PCDHA2: variants seen among roughly 807,000 people sequenced by gnomAD.
The protein encoded by PCDHA2 is protocadherin alpha 2, also known as protocadherin alpha-2.
PCDHA2 carries 58 observed loss-of-function variants against 66.0 expected under a neutral mutation model. The ratio of observed to expected loss-of-function variants is 0.88; its 90% CI spans 0.71 to 1.09. The LOEUF (loss-of-function observed/expected upper bound fraction) is 1.09, where lower values mean the gene tolerates loss of function less well. PCDHA2 is among the 50% of genes least tolerant of loss of function. PCDHA2 has a pLI of 0.00. For synonymous variants in PCDHA2, 634 were observed against 554.0 expected (o/e 1.14, Z -2.03); for missense variants, 1,267 against 1,242.3 (o/e 1.02, Z -0.30).
intron 1 of PCDHA2, among the ~76,000 whole-genome samples, chr5:140,881,880 C>G (rs1157311188): frequency 6.6e-6 from 1 of 152,210 alleles, no homozygotes; most frequent in Non-Finnish European, 1.5e-5. Flanking sequence ...AAATGAAACT[C>G]ATCAACCAAT....
At chr5:140,950,237 ATTTG>A (rs782102459) in intron 1 of PCDHA2, among the ~76,000 whole-genome samples, 1 of 151,954 alleles carries the variant, frequency 6.6e-6, no homozygotes, top group Non-Finnish European at 1.5e-5. Flanking sequence ...AGTGCCATTA[ATTTG>A]TTCCTAAAGA....
At chr5:140,967,357 T>C (rs782125763) in intron 1 of PCDHA2, 2 of 1,608,222 alleles carry the variant, frequency 1.2e-6, no homozygotes, top group Non-Finnish European at 1.7e-6. Context: ...AGCTGGACCT[T>C]AAGCCCCTGC....
At chr5:140,862,901 C>CA in intron 1 of PCDHA2, 2 of 551,296 alleles carry the variant, frequency 3.6e-6, no homozygotes, top group Non-Finnish European at 3.5e-6. Context: ...ACTTTGTCTG[C>CA]GCTGCTGGCG....
chr5:140,829,369 C>G, intron 1 of PCDHA2: 1 of 1,614,202 alleles, frequency 6.2e-7, no homozygotes, highest in Non-Finnish European at 8.5e-7. Flanking sequence ...TGGTGGTAAC[C>G]GCGCGGGACG....
At chr5:140,980,358 G>A (rs143597147) in intron 2 of PCDHA2, among the ~76,000 whole-genome samples, 260 of 152,274 alleles carry the variant, frequency 1.7e-3, no homozygotes, top group South Asian at 0.014. Context: ...TGGACTGGGC[G>A]CGGTGGCTCA....
At chr5:140,858,604 A>AT (rs2045515312) in intron 1 of PCDHA2, 6 of 1,276,560 alleles carry the variant, frequency 4.7e-6, no homozygotes, top group Non-Finnish European at 4.3e-6. Context: ...GAGTTTTAAA[A>AT]TTTTTTTATC....
Position 140,963,207 on chromosome 5 carries a change from C to A in PCDHA2, c.2389-15742C>A, listed in dbSNP as rs180756619. Among the ~76,000 whole-genome samples, 890 of 148,428 alleles carry A rather than the reference C, an allele frequency of 6.0e-3. 8 individuals are homozygous for A. Among genetic ancestry groups the A allele is most frequent in the African/African-American group, 0.021 (788 of 38,366 alleles). On this transcript the variant is annotated intron_variant, in intron 1 of 3. Transcript: ENST00000526136. Reference sequence around the variant, plus strand: ...TAGACTGTGAAAATGAAAAAAAAAACCTCGTGTTTAGAGTAGACACTGTTT... The same window carrying A: ...TAGACTGTGAAAATGAAAAAAAAAAACTCGTGTTTAGAGTAGACACTGTTT...
At chr5:140,936,681 T>G (rs781812048) in intron 1 of PCDHA2, among the ~76,000 whole-genome samples, 3 of 152,246 alleles carry the variant, frequency 2.0e-5, no homozygotes, top group African/African-American at 2.4e-5. Flanking sequence ...CTATTCTGTT[T>G]CATTGGTCAA....
At position 141,010,354 on chromosome 5, in the gene PCDHA2, C is replaced by A. The variant is rs1359778786; in HGVS notation, c.*417C>A. On this transcript the variant is annotated 3_prime_UTR_variant, in exon 4 of 4. Coordinates refer to ENST00000526136, the MANE Select transcript of PCDHA2 (RefSeq NM_018905.3). ...GTTTGTGGCCACTGGGTATGTGTGG[C>A]TACCGCGGGTATGCGAGTGCCAGAT... The A allele has an allele frequency of 2.0e-6, 3 of 1,506,078 alleles. No homozygotes were observed. The highest frequency in any genetic ancestry group is 4.4e-5 in the Admixed American group (2 of 45,166). 93.3% of individuals were successfully genotyped at this position (1,506,078 alleles called of 1,614,324 possible).
chr5:140,850,218 G>T, intron 1 of PCDHA2: 1 of 1,593,686 alleles, frequency 6.3e-7, no homozygotes. Context: ...GGGCACTGAC[G>T]GCGCAGTGAG....
chr5:140,961,856 C>T (rs781908407), intron 1 of PCDHA2, among the ~76,000 whole-genome samples: 1 of 151,570 alleles, frequency 6.6e-6, no homozygotes, highest in Non-Finnish European at 1.5e-5. Flanking sequence ...GATCATTTAT[C>T]TGGCCACAGA....
chr5:140,903,966 T>A (rs568850758), intron 1 of PCDHA2, among the ~76,000 whole-genome samples: 1 of 152,360 alleles, frequency 6.6e-6, no homozygotes, highest in Admixed American at 6.5e-5. Context: ...TTTGTTGATT[T>A]TTGGTCTATT....
chr5:140,891,767 A>C (rs1350557618), intron 1 of PCDHA2, among the ~76,000 whole-genome samples: 2 of 152,156 alleles, frequency 1.3e-5, no homozygotes, highest in African/African-American at 2.4e-5. Context: ...GAGGTGGGGA[A>C]TTTCAGGAAA....
At position 141,009,997 on chromosome 5, in the gene PCDHA2, A is replaced by C; in HGVS notation, c.*60A>C. 1 of 1,576,442 alleles carries C rather than the reference A, an allele frequency of 6.3e-7. No individual in the cohort carries two copies. The highest frequency in any genetic ancestry group is 2.2e-5 in the East Asian group (1 of 44,650). On this transcript the variant is annotated 3_prime_UTR_variant, in exon 4 of 4. Transcript: ENST00000526136. ...TTTGTAATAATGGCAAATCTCTCCC[A>C]TGTAGCAATTCCCTGCTCCTTTTTC...
chr5:140,814,427 C>T (rs1281564166), intron 1 of PCDHA2: 2 of 150,562 alleles, frequency 1.3e-5, no homozygotes, highest in Admixed American at 1.3e-4. Flanking sequence ...TTTCCTGAGG[C>T]TGTTTTGTGG....
At position 140,849,784 on chromosome 5, in the gene PCDHA2, G is replaced by A. The variant is rs2150449940; in HGVS notation, c.2388+52432G>A. The A allele has an allele frequency of 3.8e-6, 6 of 1,598,104 alleles. No homozygotes were observed. The East Asian group carries it at 1.3e-4, about 36-fold the overall frequency. ...GAGCTGGTGGTTACCGCGCGGGACG[G>A]GGGCTCGCCTTCACTGTGGGCCACG... On this transcript the variant is annotated intron_variant, in intron 1 of 3. Coordinates refer to ENST00000526136, the MANE Select transcript of PCDHA2 (RefSeq NM_018905.3).
chr5:140,846,716 T>A (rs1562434614), intron 1 of PCDHA2, among the ~76,000 whole-genome samples: 1 of 149,312 alleles, frequency 6.7e-6, no homozygotes, highest in Non-Finnish European at 1.5e-5. Context: ...TAATAACCAG[T>A]CTTCATTAAA....
At position 140,857,203 on chromosome 5, in the gene PCDHA2, C is replaced by T. The variant is rs781954201; in HGVS notation, c.2388+59851C>T. 1.0e-5 allele frequency: 16 copies of T among 1,598,514 alleles called. 1 individual carries two copies. In the Admixed American group the frequency reaches 2.4e-4, roughly 24 times the overall value. On this transcript the variant is annotated intron_variant, in intron 1 of 3. Transcript: ENST00000526136. ...ATTCAGGAGCCAACGGACAGGTCAC[C>T]TGCTCTCTGACGCCTCACGTTCCGT...
In PCDHA2 at chr5:140,991,828, C is replaced by T. The variant is rs1554252431; in HGVS notation, c.2536+9265C>T. Among the ~76,000 whole-genome samples, 6 of 152,168 alleles carry T rather than the reference C, an allele frequency of 3.9e-5. No homozygotes were observed. The South Asian group carries it at 6.2e-4, about 16-fold the overall frequency. The stretch of plus-strand genomic sequence containing the variant: ...CTTCCGCATTTTTAGGCATTTATAA[C>T]GGCAGAACCGCACTTCCAGATACCA... On this transcript the variant is annotated intron_variant, in intron 3 of 3. Transcript: ENST00000526136.
Sources: allele counts gnomAD v4.1 joint callset (sites outside exome capture counted in the v4.1 genomes callset), GRCh38; gene constraint gnomAD v4.1.1; transcripts MANE v1.5; gene names NCBI Gene and HGNC (gene_info 2026-07-23, HGNC 2026-07-21).